Variants in NAV2 observed in about 807,000 individuals in gnomAD.
NAV2 encodes neuron navigator 2.
In NAV2, 54 loss-of-function variants were observed where a neutral mutation model predicts 223.2. The observed-to-expected ratio is 0.24, with a 90% CI of 0.19 to 0.30. The LOEUF (loss-of-function observed/expected upper bound fraction) is 0.30. Ranked by LOEUF, NAV2 falls within the 10% of genes least tolerant of loss-of-function variation. The pLI, the probability that NAV2 is intolerant of heterozygous loss-of-function variation, is 1.00. For synonymous variants in NAV2, 1,279 were observed against 1,239.3 expected (o/e 1.03, Z -0.67); for missense variants, 2,806 against 3,147.5 (o/e 0.89, Z 2.60).
intron 1 of NAV2, among the ~76,000 whole-genome samples, chr11:19,396,117 A>C (rs942348131): frequency 6.6e-6 from 1 of 152,216 alleles, no homozygotes; most frequent in Non-Finnish European, 1.5e-5. Context: ...ATAAATCCCT[A>C]ATAAATGATG....
chr11:20,049,389 T>C (rs2057759423), intron 15 of NAV2, 194 bp downstream of exon 15: 2 of 578,130 alleles, frequency 3.5e-6, no homozygotes, highest in African/African-American at 1.9e-5. Flanking sequence ...TCTTTTCCTC[T>C]GTGGTTATTT....
chr11:19,743,044 G>A (rs2052993183), intron 1 of NAV2, among the ~76,000 whole-genome samples: 1 of 152,218 alleles, frequency 6.6e-6, no homozygotes, highest in African/African-American at 2.4e-5. Flanking sequence ...AGAACAGTGG[G>A]GTTTAGGAGA....
At chr11:19,421,400 TCA>T (rs1850607754) in intron 1 of NAV2, among the ~76,000 whole-genome samples, 2 of 152,160 alleles carry the variant, frequency 1.3e-5, no homozygotes, top group South Asian at 2.1e-4. Flanking sequence ...GGGCCGAGAC[TCA>T]CAGAGCATTT....
intron 1 of NAV2, 76 bp downstream of exon 1, chr11:19,714,038 G>A: frequency 6.5e-7 from 1 of 1,546,644 alleles, no homozygotes; most frequent in East Asian, 2.3e-5. Flanking sequence ...GTGGGAGAAA[G>A]GGCTGGATGG....
At chr11:19,836,474 G>A (rs2060242236) in intron 2 of NAV2, among the ~76,000 whole-genome samples, 1 of 151,268 alleles carries the variant, frequency 6.6e-6, no homozygotes, top group Non-Finnish European at 1.5e-5. Flanking sequence ...GGAGAATGGC[G>A]TGAACCCGGG....
Position 19,892,438 on chromosome 11 carries a change from C to A in NAV2, c.775C>A (p.Pro259Thr). 6.2e-7 allele frequency: 1 copy of A among 1,613,664 alleles called. No individual in the cohort carries two copies. Among genetic ancestry groups the A allele is most frequent in the South Asian group, 1.1e-5 (1 of 90,980 alleles). Residue 259 changes from proline to threonine, a missense_variant, in exon 6 of 38, where the codon CCA becomes ACA. Pro to Thr is a conservative substitution (Grantham distance 38, BLOSUM62 -1). Transcript: ENST00000349880. ...KAQAEMQSRL[P>T]GPTARVSAAG... ...CCTGTTGCTTTTGCATTTTAGACTTCCAGGTCCTACCGCGAGGGTATCCGC... is the reference window on the plus strand; with the variant it reads ...CCTGTTGCTTTTGCATTTTAGACTTACAGGTCCTACCGCGAGGGTATCCGC...
intron 1 of NAV2, among the ~76,000 whole-genome samples, chr11:19,619,895 T>C (rs1239723601): frequency 1.3e-4 from 20 of 152,358 alleles, no homozygotes; most frequent in Non-Finnish European, 2.5e-4. Context: ...TGGTTTTAGG[T>C]CTAACATGTA....
intron 5 of NAV2, among the ~76,000 whole-genome samples, chr11:19,886,458 A>G (rs1245914130): frequency 6.6e-6 from 1 of 152,244 alleles, no homozygotes. Flanking sequence ...TCTGGTAGCC[A>G]TGCAGAAAGT....
chr11:19,950,487 A>T (rs987759919), intron 10 of NAV2, among the ~76,000 whole-genome samples: 3 of 152,256 alleles, frequency 2.0e-5, no homozygotes, highest in African/African-American at 7.2e-5. Flanking sequence ...TTATTGCTGT[A>T]TTGAAATACT....
rs1554902243 is a variant in NAV2, at chr11:20,023,696, CTGGG to C, written c.2769-12260_2769-12257del. 9.9e-4 allele frequency among the ~76,000 whole-genome samples: 80 copies of C among 80,464 alleles called. 1 individual carries two copies. The Middle Eastern group carries it at 0.058, about 59-fold the overall frequency. 52.8% of individuals were successfully genotyped at this position (80,464 alleles called of 152,430 possible). Reference sequence around the variant, plus strand: ...GTGGTTGTGTTTATACAGCAAATTGCTGGGTGTGTGTGTGTGTGTGTGTGTGTGT... The same window carrying C: ...GTGGTTGTGTTTATACAGCAAATTGCTGTGTGTGTGTGTGTGTGTGTGTGT... On this transcript the variant is annotated intron_variant, in intron 11 of 37. Coordinates refer to ENST00000349880, the MANE Select transcript of NAV2 (RefSeq NM_145117.5).
rs77251402 is a variant in NAV2, at chr11:20,059,591, A to G, written c.4832-2716A>G. ...CCAAAAGGCTCTTTAAAAAAAAACA[A>G]ACAAATGAAAAAAGAATCAGAAACC... On this transcript the variant is annotated intron_variant, in intron 19 of 37. Transcript: ENST00000349880. 1.9e-3 allele frequency among the ~76,000 whole-genome samples: 289 copies of G among 152,278 alleles called. 6 individuals carry two copies. In the East Asian group the frequency reaches 0.046, roughly 24 times the overall value.
intron 1 of NAV2, among the ~76,000 whole-genome samples, chr11:19,512,117 C>T (rs2043297616): frequency 6.6e-6 from 1 of 152,150 alleles, no homozygotes; most frequent in African/African-American, 2.4e-5. Flanking sequence ...GTTTCCCTTC[C>T]CATCAGGAAA....
intron 1 of NAV2, among the ~76,000 whole-genome samples, chr11:19,749,950 G>A (rs1211282677): frequency 1.3e-5 from 2 of 152,190 alleles, no homozygotes; most frequent in Admixed American, 6.5e-5. Context: ...TTGAGCCAAT[G>A]GCTAGATGAA....
At chr11:19,541,468 G>A (rs973921307) in intron 1 of NAV2, among the ~76,000 whole-genome samples, 4 of 152,232 alleles carry the variant, frequency 2.6e-5, no homozygotes, top group African/African-American at 9.6e-5. Flanking sequence ...GCCCATCTTT[G>A]GGAACTGCCA....
At chr11:19,496,409 G>A (rs754328920) in intron 1 of NAV2, among the ~76,000 whole-genome samples, 10 of 152,202 alleles carry the variant, frequency 6.6e-5, no homozygotes, top group Non-Finnish European at 1.3e-4. Flanking sequence ...AGGCTTGACT[G>A]GGGCTGGAGG....
intron 1 of NAV2, among the ~76,000 whole-genome samples, chr11:19,363,116 T>C (rs1173775090): frequency 6.6e-6 from 1 of 152,150 alleles, no homozygotes; most frequent in African/African-American, 2.4e-5. Flanking sequence ...TTTCTCCTAA[T>C]GTTATCCCTC....
rs78594715 is a variant in NAV2 at position 19,516,247 on chromosome 11, A to G, written c.75+165220A>G. Among the ~76,000 whole-genome samples the G allele has an allele frequency of 1.5e-3, 236 of 152,318 alleles. 7 individuals are homozygous for G. The East Asian group carries it at 0.043, about 28-fold the overall frequency. ...GATCTTTTGTCTTTTTGCTGCAAGT[A>G]AAAGGTGACATAGGCCCCTCTTTCT... On this transcript the variant is annotated intron_variant, in intron 1 of 37. Transcript: ENST00000360655.
chr11:19,847,519 G>C (rs1241791453), intron 3 of NAV2, among the ~76,000 whole-genome samples: 1 of 152,138 alleles, frequency 6.6e-6, no homozygotes, highest in African/African-American at 2.4e-5. Flanking sequence ...TGAGCTTGGG[G>C]ACCAGCCAGG....
At chr11:19,530,770 T>G (rs1205384177) in intron 1 of NAV2, among the ~76,000 whole-genome samples, 1 of 152,260 alleles carries the variant, frequency 6.6e-6, no homozygotes, top group African/African-American at 2.4e-5. Flanking sequence ...AGGCACTGTA[T>G]GCACATTAAC....
Sources: allele counts gnomAD v4.1 joint callset (sites outside exome capture counted in the v4.1 genomes callset), GRCh38; gene constraint gnomAD v4.1.1; transcripts MANE v1.5; gene names NCBI Gene and HGNC (gene_info 2026-07-23, HGNC 2026-07-21).